The following METTL9 variants were observed in gnomAD, a reference collection of about 807,000 sequenced individuals.
METTL9 encodes the protein methyltransferase 9, His-X-His N1(pi)-histidine.
A neutral mutation model predicts 36.0 loss-of-function variants in METTL9; 10 were observed. The ratio of observed to expected loss-of-function variants is 0.28; its 90% confidence interval spans 0.17 to 0.47. METTL9 has a LOEUF of 0.47. Among genes scored for constraint, METTL9 ranks in the 20% least tolerant of loss-of-function variants. The pLI, the probability that METTL9 is intolerant of heterozygous loss-of-function variation, is 0.99. For synonymous variants in METTL9, 175 were observed against 149.7 expected (o/e 1.17, Z -1.23); for missense variants, 246 against 383.5 (o/e 0.64, Z 3.00).
At chr16:21,618,596 G>A (rs1965613177) in intron 3 of METTL9, among the ~76,000 whole-genome samples, 1 of 152,096 alleles carries the variant, frequency 6.6e-6, no homozygotes, top group African/African-American at 2.4e-5. Context: ...GACTATTCTG[G>A]GTATTTCGTA....
intron 1 of METTL9, among the ~76,000 whole-genome samples, chr16:21,601,963 C>T (rs1965142982): frequency 6.6e-6 from 1 of 152,046 alleles, no homozygotes; most frequent in African/African-American, 2.4e-5. Flanking sequence ...TGTGTAGAAA[C>T]CACCATGAGA....
rs1173908688 is a variant in METTL9, at chr16:21,647,201, A to T, written c.752-8026A>T. On this transcript the variant is annotated intron_variant, in intron 4 of 4. Transcript: ENST00000358154. ...CGCTTCCGGCACACTGGGGAATGCTATTCCACAGATGTAAATTGCACTGTC... is the reference window on the plus strand; with the variant it reads ...CGCTTCCGGCACACTGGGGAATGCTTTTCCACAGATGTAAATTGCACTGTC... The T allele has an allele frequency of 2.5e-6, 4 of 1,614,092 alleles. No homozygotes were observed. The African/African-American group carries it at 4.0e-5, about 16-fold the overall frequency.
intron 4 of METTL9, among the ~76,000 whole-genome samples, chr16:21,646,158 C>CTTT (rs11415948): frequency 6.6e-6 from 1 of 150,512 alleles, no homozygotes; most frequent in Non-Finnish European, 1.5e-5. Context: ...GAAATTCCCC[C>CTTT]TTTTTTTTTC....
At chr16:21,605,555 T>C (rs1250606618) in intron 1 of METTL9, among the ~76,000 whole-genome samples, 1 of 152,106 alleles carries the variant, frequency 6.6e-6, no homozygotes, top group Non-Finnish European at 1.5e-5. Context: ...TAGGCTTGCC[T>C]TCTGAATAGG....
intron 3 of METTL9, among the ~76,000 whole-genome samples, chr16:21,623,792 G>A (rs1047352548): frequency 6.6e-6 from 1 of 151,968 alleles, no homozygotes; most frequent in African/African-American, 2.4e-5. Flanking sequence ...TTTGTTTTGA[G>A]ATGGAGTCTG....
At chr16:21,613,508 A>G (rs1365907388) in intron 2 of METTL9, among the ~76,000 whole-genome samples, 1 of 152,124 alleles carries the variant, frequency 6.6e-6, no homozygotes, top group Admixed American at 6.5e-5. Flanking sequence ...CTCTTAGACG[A>G]TGCCAGTGAT....
At chr16:21,620,889 A>AT (rs960615252) in intron 3 of METTL9, among the ~76,000 whole-genome samples, 5 of 151,670 alleles carry the variant, frequency 3.3e-5, no homozygotes, top group Non-Finnish European at 7.4e-5. Flanking sequence ...TGAATTTTAC[A>AT]TTTTTTTCTT....
upstream of METTL9, among the ~76,000 whole-genome samples, chr16:21,598,353 A>C (rs1420121453): frequency 1.5e-5 from 2 of 130,976 alleles, no homozygotes; most frequent in African/African-American, 6.0e-5. Flanking sequence ...ACTCCGTTTC[A>C]AAAAAAAAAA....
intron 4 of METTL9, among the ~76,000 whole-genome samples, chr16:21,632,548 C>T (rs1452720997): frequency 6.6e-6 from 1 of 152,184 alleles, no homozygotes; most frequent in Non-Finnish European, 1.5e-5. Context: ...ATTGGTTCCT[C>T]ATCCTCTGGG....
intron 1 of METTL9, among the ~76,000 whole-genome samples, chr16:21,611,262 G>C (rs527479165): frequency 6.6e-6 from 1 of 152,282 alleles, no homozygotes; most frequent in Non-Finnish European, 1.5e-5. Flanking sequence ...TAACGTGCCT[G>C]TTTGTTTGTG....
upstream of METTL9, among the ~76,000 whole-genome samples, chr16:21,598,330 A>G (rs1047593210): frequency 6.7e-6 from 1 of 149,138 alleles, no homozygotes; most frequent in African/African-American, 2.5e-5. Flanking sequence ...GCCTGGAGAC[A>G]GAGCGAGACT....
chr16:21,646,947 C>G, intron 4 of METTL9: 1 of 739,902 alleles, frequency 1.4e-6, no homozygotes, highest in Non-Finnish European at 2.3e-6. Context: ...AGCCACCACG[C>G]CCAGCCAGTT....
chr16:21,612,542 T>A, intron 1 of METTL9, 103 bp from the exon 2 acceptor site: 1 of 1,092,146 alleles, frequency 9.2e-7, no homozygotes, highest in Non-Finnish European at 1.2e-6. Flanking sequence ...TATTTGGAAA[T>A]CTTAGATGTG....
At chr16:21,597,208 A>G (rs754731603), upstream of METTL9, 17 of 1,245,816 alleles carry the variant, frequency 1.4e-5, no homozygotes, top group South Asian at 2.1e-4. Flanking sequence ...GTTTCTCCTC[A>G]TTTGTAATTC....
At chr16:21,608,270 G>A (rs1352319892) in intron 1 of METTL9, among the ~76,000 whole-genome samples, 1 of 152,156 alleles carries the variant, frequency 6.6e-6, no homozygotes, top group African/African-American at 2.4e-5. Context: ...GTGAAACCAG[G>A]AGTCCTGCCC....
chr16:21,641,594 C>T (rs2141610099), intron 4 of METTL9: 3 of 1,559,328 alleles, frequency 1.9e-6, no homozygotes, highest in Middle Eastern at 1.7e-4. Flanking sequence ...TATCTTTCTC[C>T]TGCAATAATA....
At chr16:21,640,928 A>G (rs1430891842) in intron 4 of METTL9, 1 of 152,092 alleles carries the variant, frequency 6.6e-6, no homozygotes, top group Non-Finnish European at 1.5e-5. Flanking sequence ...TTTAACCTTC[A>G]GCTTTGGATT....
chr16:21,654,092 A>C (rs1966650513), intron 4 of METTL9: 1 of 124,590 alleles, frequency 8.0e-6, no homozygotes, highest in African/African-American at 3.2e-5. Flanking sequence ...CCCAGGCTGG[A>C]GTGCAGTGGC....
chr16:21,655,472 G>T lies in METTL9; in HGVS notation c.*40G>T. 2 of 1,547,400 alleles carry T rather than the reference G, an allele frequency of 1.3e-6. No homozygotes were observed. Among genetic ancestry groups the T allele is most frequent in the Non-Finnish European group, 1.8e-6 (2 of 1,128,148 alleles). On this transcript the variant is annotated 3_prime_UTR_variant, in exon 5 of 5. Transcript: ENST00000358154. ...AAGTCTTCAGAGTCCGCACCCTCCG[G>T]GATGTGCCCTTGGAAGAGGGTCTGT...
Sources: allele counts gnomAD v4.1 joint callset (sites outside exome capture counted in the v4.1 genomes callset), GRCh38; gene constraint gnomAD v4.1.1; transcripts MANE v1.5; gene names NCBI Gene and HGNC (gene_info 2026-07-23, HGNC 2026-07-21).